Variants in DPP10 observed in about 807,000 individuals in gnomAD.
DPP10 encodes inactive dipeptidyl peptidase 10.
A neutral mutation model predicts 120.9 loss-of-function variants in DPP10; 33 were observed. That is an observed-to-expected ratio of 0.27 (90% CI 0.21 to 0.37). The LOEUF (loss-of-function observed/expected upper bound fraction) is 0.37. Among genes scored for constraint, DPP10 ranks in the 10% least tolerant of loss-of-function variants. DPP10 has a pLI of 1.00. For synonymous variants in DPP10, 337 were observed against 326.1 expected, an observed-to-expected ratio of 1.03 and a Z score of -0.36; for missense variants, 816 against 942.8, an observed-to-expected ratio of 0.87 and a Z score of 1.76.
At chr2:115,605,810 T>A (rs1018520364) in intron 5 of DPP10, among the ~76,000 whole-genome samples, 3 of 152,090 alleles carry the variant, frequency 2.0e-5, no homozygotes, top group African/African-American at 7.2e-5. Context: ...AGGATCATTT[T>A]CTCTATCAAA....
At chr2:115,423,479 T>C (rs1057461478) in intron 3 of DPP10, among the ~76,000 whole-genome samples, 1 of 152,156 alleles carries the variant, frequency 6.6e-6, no homozygotes, top group African/African-American at 2.4e-5. Context: ...GTCAGATCTT[T>C]TAAGTGAATG....
At chr2:115,268,181 C>T (rs150854493) in intron 1 of DPP10, among the ~76,000 whole-genome samples, 7 of 152,266 alleles carry the variant, frequency 4.6e-5, no homozygotes, top group African/African-American at 7.2e-5. Flanking sequence ...ATGTGACAGA[C>T]TCCTACTAGC....
chr2:115,829,894 A>C (rs941465551), intron 21 of DPP10, among the ~76,000 whole-genome samples: 1 of 152,128 alleles, frequency 6.6e-6, no homozygotes, highest in Non-Finnish European at 1.5e-5. Context: ...TTAATTATGG[A>C]TATGACTTGA....
intron 1 of DPP10, among the ~76,000 whole-genome samples, chr2:115,005,948 T>A (rs1249517710): frequency 6.6e-6 from 1 of 151,726 alleles, no homozygotes. Context: ...AAGGAAAAAA[T>A]GTTAAGGGCA....
At chr2:114,815,586 A>G (rs1457026633) in intron 1 of DPP10, among the ~76,000 whole-genome samples, 1 of 152,250 alleles carries the variant, frequency 6.6e-6, no homozygotes, top group Non-Finnish European at 1.5e-5. Context: ...GAGCAATTAT[A>G]GGAGCATAAC....
intron 1 of DPP10, among the ~76,000 whole-genome samples, chr2:114,757,453 A>G (rs1679881532): frequency 6.6e-6 from 1 of 152,030 alleles, no homozygotes; most frequent in Non-Finnish European, 1.5e-5. Context: ...AAGATTCATT[A>G]ATAAGAATGA....
chr2:115,100,234 G>A (rs2048613334), intron 1 of DPP10, among the ~76,000 whole-genome samples: 1 of 152,152 alleles, frequency 6.6e-6, no homozygotes, highest in Admixed American at 6.5e-5. Flanking sequence ...CACTTGACAT[G>A]AGTTCGAGGC....
chr2:115,254,349 A>AC (rs942081137), intron 1 of DPP10, among the ~76,000 whole-genome samples: 46 of 151,794 alleles, frequency 3.0e-4, no homozygotes, highest in African/African-American at 1.0e-3. Flanking sequence ...GAGGGGAGTG[A>AC]CCCCCCATGA....
rs184256233 is a variant in DPP10, at chr2:115,745,222, T to G, written c.853-864T>G. Among the ~76,000 whole-genome samples the G allele has an allele frequency of 2.0e-4, 27 of 135,726 alleles. 2 individuals carry two copies. The highest frequency in any genetic ancestry group is 6.3e-4 in the African/African-American group (26 of 41,004). 89.0% of individuals were successfully genotyped at this position (135,726 alleles called of 152,430 possible). On this transcript the variant is annotated intron_variant, in intron 9 of 25. Transcript: ENST00000410059. ...GGTTTAAATACTAACTTTCTCAGTT[T>G]TAGGTATTTCACGTTGCACTGTTTG...
At chr2:114,447,705 A>G (rs1211143288) in intron 1 of DPP10, among the ~76,000 whole-genome samples, 2 of 152,224 alleles carry the variant, frequency 1.3e-5, no homozygotes. Flanking sequence ...TACCACTGGT[A>G]ACTCTACAGC....
At chr2:114,974,537 C>T (rs1699624528) in intron 1 of DPP10, among the ~76,000 whole-genome samples, 1 of 151,712 alleles carries the variant, frequency 6.6e-6, no homozygotes, top group African/African-American at 2.4e-5. Flanking sequence ...CCTGCCTCAG[C>T]CTCCCGAGTA....
intron 1 of DPP10, among the ~76,000 whole-genome samples, chr2:115,026,690 C>T (rs1424741080): frequency 6.6e-6 from 1 of 152,106 alleles, no homozygotes; most frequent in Non-Finnish European, 1.5e-5. Context: ...GCATGCACCA[C>T]CATGCCTGGC....
At chr2:115,799,108 G>C (rs1278409368) in intron 19 of DPP10, among the ~76,000 whole-genome samples, 1 of 151,978 alleles carries the variant, frequency 6.6e-6, no homozygotes, top group Non-Finnish European at 1.5e-5. Context: ...ATATTGCTAA[G>C]ACTTTTTCCT....
chr2:114,704,241 G>A (rs190632642), intron 1 of DPP10, among the ~76,000 whole-genome samples: 82 of 152,274 alleles, frequency 5.4e-4, no homozygotes, highest in African/African-American at 1.9e-3. Context: ...TAGCAGTGGT[G>A]TTGGTGATAG....
chr2:114,879,124 CA>C (rs1157105387), intron 1 of DPP10, among the ~76,000 whole-genome samples: 2 of 151,306 alleles, frequency 1.3e-5, no homozygotes, highest in Non-Finnish European at 2.9e-5. Flanking sequence ...GATGACTTCA[CA>C]GGTAAATTCT....
Position 114,737,071 on chromosome 2 carries a change from G to A in DPP10, c.60+294233G>A, listed in dbSNP as rs1410881212. Among the ~76,000 whole-genome samples the A allele has an allele frequency of 2.6e-5, 4 of 152,192 alleles. No individual in the cohort carries two copies. In the South Asian group the frequency reaches 8.3e-4, roughly 31 times the overall value. On this transcript the variant is annotated intron_variant, in intron 1 of 25. Transcript: ENST00000410059. Reference sequence around the variant, plus strand: ...TAAAACGAAATAGTAGAGAGGAAATGCTTATGATCTTTAGGAATTGTTGCT... The same window carrying A: ...TAAAACGAAATAGTAGAGAGGAAATACTTATGATCTTTAGGAATTGTTGCT...
chr2:114,461,724 C>T (rs2104568615), intron 1 of DPP10: 1 of 985,426 alleles, frequency 1.0e-6, no homozygotes, highest in Non-Finnish European at 1.2e-6. Context: ...GCCTCCTAGC[C>T]AGGGACATGT....
At chr2:115,342,167 T>C in intron 2 of DPP10, 1 of 455,172 alleles carries the variant, frequency 2.2e-6, no homozygotes, top group Non-Finnish European at 4.4e-6. Flanking sequence ...TCTATCCTTA[T>C]ACTGACATCT....
chr2:115,380,409 A>G (rs542317956), intron 3 of DPP10, among the ~76,000 whole-genome samples: 191 of 152,034 alleles, frequency 1.3e-3, no homozygotes, highest in Middle Eastern at 6.8e-3. Flanking sequence ...TGCTTGGTAG[A>G]TCTTCTTCCA....
Sources: allele counts gnomAD v4.1 joint callset (sites outside exome capture counted in the v4.1 genomes callset), GRCh38; gene constraint gnomAD v4.1.1; transcripts MANE v1.5; gene names NCBI Gene and HGNC (gene_info 2026-07-23, HGNC 2026-07-21).